Variants in MAP3K9 observed in about 807,000 individuals in gnomAD.
MAP3K9 encodes mixed lineage kinase 1 (tyr and ser/thr specificity).
MAP3K9 carries 46 observed loss-of-function variants against 95.8 expected under a neutral mutation model. That is an observed-to-expected ratio of 0.48 (90% CI 0.38 to 0.61). The LOEUF (loss-of-function observed/expected upper bound fraction) is 0.61. Ranked by LOEUF, MAP3K9 falls within the 20% of genes least tolerant of loss-of-function variation. The pLI, the probability that MAP3K9 is intolerant of heterozygous loss-of-function variation, is 0.00. For synonymous variants in MAP3K9, 533 were observed against 593.8 expected (o/e 0.90, Z 1.49); for missense variants, 1,296 against 1,474.3 (o/e 0.88, Z 1.98).
Position 70,799,233 on chromosome 14 carries a change from G to A in MAP3K9, c.820+1434C>T, listed in dbSNP as rs537204723. Among the ~76,000 whole-genome samples, 38 of 152,048 alleles carry A rather than the reference G, an allele frequency of 2.5e-4. No individual in the cohort carries two copies. In the South Asian group the frequency reaches 7.7e-3, roughly 31 times the overall value. On this transcript the variant is annotated intron_variant, in intron 2 of 11. Coordinates refer to ENST00000554752, the MANE Select transcript of MAP3K9 (RefSeq NM_001284230.2). ...GCCCAGGCTGGTCTCAAACTCCTGG[G>A]CTCAAGCAATCCTCTTCGCCCTCAA...
intron 3 of MAP3K9, among the ~76,000 whole-genome samples, chr14:70,755,716 G>C (rs2054289937): frequency 6.6e-6 from 1 of 152,172 alleles, no homozygotes; most frequent in African/African-American, 2.4e-5. Context: ...GGAATGAAAG[G>C]CCCATTTAAT....
chr14:70,775,044 C>A (rs2054579993), intron 2 of MAP3K9, among the ~76,000 whole-genome samples: 1 of 133,742 alleles, frequency 7.5e-6, no homozygotes, highest in African/African-American at 2.7e-5. Flanking sequence ...ATACATGTAA[C>A]TATATTATAA....
At chr14:70,801,174 T>C (rs964952539) in intron 1 of MAP3K9, 94 bp from the exon 2 acceptor site, 23 of 1,241,902 alleles carry the variant, frequency 1.9e-5, no homozygotes, top group African/African-American at 1.7e-4. Context: ...ACACGGCAAG[T>C]TGTCTGTTTA....
At chr14:70,762,717 CT>C (rs2054392412) in intron 2 of MAP3K9, among the ~76,000 whole-genome samples, 1 of 152,174 alleles carries the variant, frequency 6.6e-6, no homozygotes, top group South Asian at 2.1e-4. Flanking sequence ...TTACTTGATA[CT>C]TTTGATACAC....
Position 70,800,962 on chromosome 14 carries a change from G to C in MAP3K9, c.525C>G (p.His175Gln), listed in dbSNP as rs200295742. ...TCTGGCTGATGTCCTCATCAGGGTC[G>C]TGGCGAGCTGCTTTCACAGCAACCT... Reference protein sequence around the residue: ...GDEVAVKAARHDPDEDISQTI... With the variant: ...GDEVAVKAARQDPDEDISQTI... The change falls in exon 2 of 12, where the codon CAC (histidine) becomes CAG (glutamine). Residue 175 changes from histidine (H) to glutamine (Q), a missense_variant. By Grantham distance (24) the His-to-Gln change is conservative (BLOSUM62 0). Transcript: ENST00000554752. The C allele has an allele frequency of 6.8e-6, 11 of 1,614,144 alleles. No individual in the cohort carries two copies. The South Asian group carries it at 9.9e-5, about 15-fold the overall frequency.
intron 5 of MAP3K9, among the ~76,000 whole-genome samples, chr14:70,748,507 A>G (rs537901909): frequency 1.2e-4 from 18 of 152,366 alleles, no homozygotes; most frequent in African/African-American, 4.1e-4. Context: ...AAGTATCCCT[A>G]TATCAAATTA....
Position 70,769,175 on chromosome 14 carries a change from G to A in MAP3K9, c.821-7993C>T, listed in dbSNP as rs545389191. On this transcript the variant is annotated intron_variant, in intron 2 of 11. Coordinates refer to ENST00000554752, the MANE Select transcript of MAP3K9 (RefSeq NM_001284230.2). ...ATAGCACCACCATGTTTGTGCCTGT[G>A]AACAGCCACTGCACTCCAATCTGGG... 2.0e-5 allele frequency among the ~76,000 whole-genome samples: 3 copies of A among 152,214 alleles called. No homozygotes were observed. In the South Asian group the frequency reaches 6.2e-4, roughly 32 times the overall value.
At position 70,730,799 on chromosome 14, in the gene MAP3K9, C is replaced by T. The variant is rs1399442138; in HGVS notation, c.2896G>A (p.Val966Met). ...CGCCTTGGGGTTGGGGGGAAGACCA[C>T]ATTGGGGTCAGGGAGACGGGGGAAT... ...GEFPRLPDPN[V>M]VFPPTPRRWN... The change falls in exon 12 of 12, where the codon GTG becomes ATG. Residue 966 changes from valine (V) to methionine (M), a missense_variant. By Grantham distance (21) the Val-to-Met change is conservative. This residue lies in a region of MAP3K9 where 433 missense variants were observed against 441.4 expected (regional missense o/e 0.98). Transcript: ENST00000554752. 6.2e-7 allele frequency: 1 copy of T among 1,612,804 alleles called. No homozygotes were observed. The highest frequency in any genetic ancestry group is 8.5e-7 in the Non-Finnish European group (1 of 1,179,856).
At chr14:70,761,676 T>C (rs2054377447) in intron 2 of MAP3K9, among the ~76,000 whole-genome samples, 1 of 152,186 alleles carries the variant, frequency 6.6e-6, no homozygotes, top group African/African-American at 2.4e-5. Context: ...AATACCGGTA[T>C]CTACCAAGCA....
intron 11 of MAP3K9, among the ~76,000 whole-genome samples, chr14:70,731,900 G>A (rs2053908691): frequency 6.6e-6 from 1 of 152,148 alleles, no homozygotes. Flanking sequence ...AGAAAGAGAT[G>A]GTGACAGGAA....
intron 7 of MAP3K9, among the ~76,000 whole-genome samples, chr14:70,738,827 C>T (rs533726130): frequency 6.6e-6 from 1 of 151,850 alleles, no homozygotes; most frequent in Non-Finnish European, 1.5e-5. Context: ...ATGAGGAGTT[C>T]AAGGTTATGG....
rs2053787647 is a variant in MAP3K9, at chr14:70,724,054, C to T, written c.*6326G>A. ...CTAGGGAATGTGGCTCTTAGCATGC[C>T]AGGGAGTGAAAAAGCCTCCGTTCAC... On this transcript the variant is annotated 3_prime_UTR_variant, in exon 12 of 12. Coordinates refer to ENST00000554752, the MANE Select transcript of MAP3K9 (RefSeq NM_001284230.2). 1 of 152,188 alleles carries T rather than the reference C, an allele frequency of 6.6e-6. No homozygotes were observed. Among genetic ancestry groups the T allele is most frequent in the Admixed American group, 6.5e-5 (1 of 15,278 alleles). 9.4% of individuals were successfully genotyped at this position (152,188 alleles called of 1,614,324 possible). A position where few individuals can be genotyped will look rare whatever the true frequency, so the allele number is the denominator to read the frequency against.
chr14:70,796,854 A>T (rs745953429), intron 2 of MAP3K9, among the ~76,000 whole-genome samples: 3 of 152,184 alleles, frequency 2.0e-5, no homozygotes, highest in Non-Finnish European at 4.4e-5. Flanking sequence ...AGATGACAAT[A>T]TGGAGCTGCC....
rs879744024 is a variant in MAP3K9, at chr14:70,809,261, ACC to A, written c.-92_-91del. The A allele has an allele frequency of 1.4e-4, 152 of 1,090,346 alleles. No homozygotes were observed. The highest frequency in any genetic ancestry group is 6.3e-4 in the Admixed American group (13 of 20,658). 67.5% of individuals were successfully genotyped at this position (1,090,346 alleles called of 1,614,324 possible). On this transcript the variant is annotated 5_prime_UTR_variant, in exon 1 of 12. Transcript: ENST00000554752. The stretch of plus-strand genomic sequence containing the variant: ...CATGCGCCTCCGCAGAGCTGGGAGG[ACC>A]CCCCCCCAACGACGGCGGCCGCAGG...
chr14:70,785,575 C>A (rs146113895), intron 2 of MAP3K9, among the ~76,000 whole-genome samples: 8 of 152,044 alleles, frequency 5.3e-5, no homozygotes, highest in African/African-American at 1.7e-4. Context: ...AGATGAAGTG[C>A]GCGGTAGATG....
At chr14:70,784,613 G>A (rs930385002) in intron 2 of MAP3K9, among the ~76,000 whole-genome samples, 1 of 151,992 alleles carries the variant, frequency 6.6e-6, no homozygotes, top group Non-Finnish European at 1.5e-5. Context: ...TGTGGTGGCA[G>A]GCGTCAGTAA....
intron 4 of MAP3K9, 102 bp downstream of exon 4, chr14:70,749,831 T>A: frequency 7.2e-7 from 1 of 1,395,890 alleles, no homozygotes; most frequent in South Asian, 1.3e-5. Flanking sequence ...TGAAACTTTA[T>A]CTCCTCTTTC....
Position 70,748,944 on chromosome 14 carries a change from G to A in MAP3K9, c.1211C>T (p.Thr404Ile). The A allele has an allele frequency of 6.2e-7, 1 of 1,614,098 alleles. No homozygotes were observed. The highest frequency in any genetic ancestry group is 1.1e-5 in the South Asian group (1 of 91,074). ...AAAGAAACCAGACTCCTCTATGGTG[G>A]TTAGCTGGTCCAGGATATTCGTGAA... The part of the protein sequence containing the change: ...PSFTNILDQL[T>I]TIEESGFFEM... The change falls in exon 5 of 12, where the codon ACC becomes ATC. Residue 404 changes from threonine (T) to isoleucine (I), a missense_variant. By Grantham distance (89) the Thr-to-Ile change is moderately conservative. Transcript: ENST00000554752.
chr14:70,804,816 G>C (rs1036920063), intron 1 of MAP3K9, among the ~76,000 whole-genome samples: 1 of 152,156 alleles, frequency 6.6e-6, no homozygotes, highest in African/African-American at 2.4e-5. Flanking sequence ...AAAATCTCAG[G>C]TTCTTGCTAT....
Sources: allele counts gnomAD v4.1 joint callset (sites outside exome capture counted in the v4.1 genomes callset), GRCh38; gene constraint gnomAD v4.1.1; regional missense constraint gnomAD v4.1.1; transcripts MANE v1.5; gene names NCBI Gene and HGNC (gene_info 2026-07-23, HGNC 2026-07-21).